KCNIP4: variants seen among roughly 807,000 people sequenced by gnomAD.
KCNIP4 encodes the protein Kv channel-interacting protein 4.
In KCNIP4, 12 loss-of-function variants were observed where a neutral mutation model predicts 34.0. The ratio of observed to expected loss-of-function variants is 0.35; its 90% CI spans 0.23 to 0.57. The LOEUF is 0.57. Ranked by LOEUF, KCNIP4 falls within the 20% of genes least tolerant of loss-of-function variation. The pLI, the probability that KCNIP4 is intolerant of heterozygous loss-of-function variation, is 0.83. For missense variants in KCNIP4, 238 were observed against 311.7 expected (o/e 0.76, Z 1.78); for synonymous variants, 124 against 102.2 (o/e 1.21, Z -1.29).
chr4:21,364,341 G>A (rs1719512147), intron 1 of KCNIP4, among the ~76,000 whole-genome samples: 1 of 152,056 alleles, frequency 6.6e-6, no homozygotes, highest in African/African-American at 2.4e-5. Flanking sequence ...AAACTGAATG[G>A]CATGGTTTCT....
At chr4:21,431,764 T>C (rs1056858705) in intron 1 of KCNIP4, among the ~76,000 whole-genome samples, 2 of 151,620 alleles carry the variant, frequency 1.3e-5, no homozygotes, top group East Asian at 3.9e-4. Flanking sequence ...TGGATTACAA[T>C]GATTAAAGAC....
chr4:20,882,500 G>T (rs1471476131), intron 2 of KCNIP4, 108 bp downstream of exon 2: 3 of 751,790 alleles, frequency 4.0e-6, no homozygotes, highest in African/African-American at 3.5e-5. Flanking sequence ...TCAATAGATT[G>T]CTTTTGTAGA....
intron 1 of KCNIP4, among the ~76,000 whole-genome samples, chr4:21,805,367 T>C (rs1376258411): frequency 6.6e-6 from 1 of 152,058 alleles, no homozygotes; most frequent in African/African-American, 2.4e-5. Context: ...ATGGGGGCTG[T>C]TTCCCCCAGA....
At chr4:21,381,449 A>G (rs1721495990) in intron 1 of KCNIP4, among the ~76,000 whole-genome samples, 1 of 152,146 alleles carries the variant, frequency 6.6e-6, no homozygotes, top group Non-Finnish European at 1.5e-5. Context: ...ACTTTTAAAA[A>G]TACTTGGCAT....
intron 3 of KCNIP4, among the ~76,000 whole-genome samples, chr4:20,825,224 C>CTT: frequency 1.0e-5 from 1 of 96,724 alleles, no homozygotes; most frequent in African/African-American, 4.4e-5. Flanking sequence ...GTCAATTTTA[C>CTT]GTTTTTTTTT....
intron 1 of KCNIP4, among the ~76,000 whole-genome samples, chr4:21,088,598 A>C (rs1746682904): frequency 1.3e-5 from 2 of 152,188 alleles, no homozygotes; most frequent in South Asian, 4.1e-4. Context: ...ATGATTCATT[A>C]TTTCCTCTGT....
chr4:20,964,233 C>A (rs1458601969), intron 1 of KCNIP4, among the ~76,000 whole-genome samples: 1 of 152,088 alleles, frequency 6.6e-6, no homozygotes, highest in African/African-American at 2.4e-5. Flanking sequence ...TGAGAGAACA[C>A]AGAATGTGTA....
chr4:21,203,100 T>C (rs748214207), intron 1 of KCNIP4, among the ~76,000 whole-genome samples: 8 of 152,212 alleles, frequency 5.3e-5, no homozygotes, highest in Non-Finnish European at 1.2e-4. Context: ...CCATTCAGAG[T>C]TGGACTCAGG....
intron 1 of KCNIP4, among the ~76,000 whole-genome samples, chr4:21,938,435 T>G (rs1405180480): frequency 6.6e-6 from 1 of 152,222 alleles, no homozygotes; most frequent in East Asian, 1.9e-4. Context: ...GGCTCACATT[T>G]GGGGAAGCCC....
At chr4:21,223,869 T>TA (rs919752246) in intron 1 of KCNIP4, among the ~76,000 whole-genome samples, 30 of 152,174 alleles carry the variant, frequency 2.0e-4, no homozygotes, top group African/African-American at 6.5e-4. Flanking sequence ...GAAGAGCCCT[T>TA]AGTCATCTTT....
At chr4:21,415,627 G>T (rs113919153) in intron 1 of KCNIP4, among the ~76,000 whole-genome samples, 1 of 152,008 alleles carries the variant, frequency 6.6e-6, no homozygotes, top group Non-Finnish European at 1.5e-5. Context: ...ACTTGAATCC[G>T]GGAGACAGAG....
intron 1 of KCNIP4, among the ~76,000 whole-genome samples, chr4:21,127,764 G>C (rs1293186745): frequency 6.6e-6 from 1 of 152,202 alleles, no homozygotes; most frequent in Non-Finnish European, 1.5e-5. Context: ...GGCTTTCTCT[G>C]TTTGCTTCAG....
chr4:21,125,398 G>A (rs1750536031), intron 1 of KCNIP4, among the ~76,000 whole-genome samples: 2 of 151,674 alleles, frequency 1.3e-5, no homozygotes, highest in Non-Finnish European at 2.9e-5. Context: ...TGTATTTTTA[G>A]TAGAGACGGG....
intron 1 of KCNIP4, among the ~76,000 whole-genome samples, chr4:20,895,179 G>A (rs954718775): frequency 3.3e-5 from 5 of 152,174 alleles, no homozygotes; most frequent in African/African-American, 1.2e-4. Context: ...GTTTCTAGCT[G>A]CAGAAAATTT....
intron 1 of KCNIP4, among the ~76,000 whole-genome samples, chr4:21,884,385 GGA>G (rs962791982): frequency 1.6e-4 from 25 of 152,056 alleles, no homozygotes; most frequent in Non-Finnish European, 3.5e-4. Flanking sequence ...AAAGTACAAT[GGA>G]GCCGTTGTCG....
At chr4:20,817,031 A>G (rs1716482135) in intron 3 of KCNIP4, among the ~76,000 whole-genome samples, 1 of 152,206 alleles carries the variant, frequency 6.6e-6, no homozygotes, top group Non-Finnish European at 1.5e-5. Context: ...AAACCAGTCA[A>G]TATTTTATTC....
At chr4:20,764,646 G>C (rs1755229107) in intron 3 of KCNIP4, among the ~76,000 whole-genome samples, 1 of 150,572 alleles carries the variant, frequency 6.6e-6, no homozygotes, top group South Asian at 2.1e-4. Flanking sequence ...GTCTCACACC[G>C]AGAGGAGCTA....
At chr4:21,341,685 C>T (rs1232398432) in intron 1 of KCNIP4, among the ~76,000 whole-genome samples, 2 of 152,068 alleles carry the variant, frequency 1.3e-5, no homozygotes, top group African/African-American at 4.8e-5. Context: ...TAATAACCTG[C>T]ACCTTTTGCT....
chr4:21,382,540 C>T (rs1721606700), intron 1 of KCNIP4, among the ~76,000 whole-genome samples: 1 of 152,116 alleles, frequency 6.6e-6, no homozygotes, highest in African/African-American at 2.4e-5. Flanking sequence ...AGAGTATCTG[C>T]TTCAATCTAT....
Sources: gnomAD v4.1 joint callset for allele counts (sites outside exome capture counted in the v4.1 genomes callset) on GRCh38, gnomAD v4.1.1 for gene constraint, MANE v1.5 for transcripts, NCBI Gene and HGNC (gene_info 2026-07-23, HGNC 2026-07-21) for gene names.